The following COL5A2 variants were observed in gnomAD, a reference collection of about 807,000 sequenced individuals.
COL5A2 encodes the protein collagen alpha-2(V) chain.
A neutral mutation model predicts 208.2 loss-of-function variants in COL5A2; 23 were observed. The ratio of observed to expected loss-of-function variants is 0.11; its 90% CI spans 0.08 to 0.16. The LOEUF (loss-of-function observed/expected upper bound fraction) is 0.16. Ranked by LOEUF, COL5A2 falls within the 10% of genes least tolerant of loss-of-function variation. The probability of loss-of-function intolerance (pLI) is 1.00; values close to 1 mark genes in which losing one functional copy is unlikely to be tolerated. For missense variants in COL5A2, 1,590 were observed against 1,956.4 expected (o/e 0.81, Z 3.53); for synonymous variants, 625 against 628.5 (o/e 0.99, Z 0.08).
the COL5A2 span, among the ~76,000 whole-genome samples, chr2:189,255,081 A>C: frequency 6.6e-6 from 1 of 152,182 alleles, no homozygotes; most frequent in Non-Finnish European, 1.5e-5. Context: ...TACCAATCAG[A>C]AAACAGGCTA....
chr2:189,036,721 A>G lies in COL5A2; in HGVS notation c.4008T>C (p.Cys1336=), dbSNP rs1292448514. The G allele has an allele frequency of 1.2e-6, 2 of 1,613,616 alleles. No homozygotes were observed. Among genetic ancestry groups the G allele is most frequent in the Non-Finnish European group, 1.7e-6 (2 of 1,179,714 alleles). Residue 1336 remains cysteine (C), a synonymous_variant, in exon 52 of 54, where the codon TGT becomes TGC. Transcript: ENST00000374866. ...GTACACTGGATGGGTTTGCTGAAATACATGTTTCTCCTGTTTCCATGTTGC... is the reference window on the plus strand; with the variant it reads ...GTACACTGGATGGGTTTGCTGAAATGCATGTTTCTCCTGTTTCCATGTTGC... ...VYCNMETGET[C]ISANPSSVPR...
intron 1 of COL5A2, among the ~76,000 whole-genome samples, chr2:189,126,441 A>T (rs1044819794): frequency 1.3e-5 from 2 of 152,024 alleles, no homozygotes; most frequent in Non-Finnish European, 1.5e-5. Flanking sequence ...AAGTTTTTTT[A>T]TTTCTTTTCA....
chr2:189,174,574 T>C (rs1163548949), intron 1 of COL5A2, among the ~76,000 whole-genome samples: 1 of 152,204 alleles, frequency 6.6e-6, no homozygotes, highest in African/African-American at 2.4e-5. Context: ...ATACAGTGGT[T>C]CACCAATGTA....
chr2:189,139,790 G>T (rs1345070410), intron 1 of COL5A2, among the ~76,000 whole-genome samples: 2 of 152,098 alleles, frequency 1.3e-5, no homozygotes, highest in Non-Finnish European at 2.9e-5. Flanking sequence ...GTGACCAGAT[G>T]TTGGCTGGGT....
chr2:189,085,299 G>A (rs1686632200), intron 10 of COL5A2, 86 bp from the exon 11 acceptor site: 2 of 1,060,952 alleles, frequency 1.9e-6, no homozygotes, highest in Admixed American at 4.0e-5. Flanking sequence ...TGAGACAAAT[G>A]AAATGTCAAA....
intron 1 of COL5A2, among the ~76,000 whole-genome samples, chr2:189,178,493 T>C (rs367951734): frequency 1.3e-5 from 2 of 152,014 alleles, no homozygotes; most frequent in African/African-American, 2.4e-5. Flanking sequence ...CATGGTTGAG[T>C]TGATGAAAAT....
the COL5A2 span, among the ~76,000 whole-genome samples, chr2:189,369,268 T>A: frequency 1.3e-5 from 2 of 151,956 alleles, no homozygotes; most frequent in Non-Finnish European, 2.9e-5. Context: ...GACTGTCAAG[T>A]TTTTTTTATT....
chr2:189,418,233 A>C, the COL5A2 span, among the ~76,000 whole-genome samples: 1 of 152,204 alleles, frequency 6.6e-6, no homozygotes, highest in Non-Finnish European at 1.5e-5. Context: ...TTTCTCAAAT[A>C]ATTTGTAATC....
At chr2:189,312,717 C>T in the COL5A2 span, among the ~76,000 whole-genome samples, 4 of 152,276 alleles carry the variant, frequency 2.6e-5, 1 homozygote, top group Admixed American at 2.6e-4. Flanking sequence ...CTGAGATGGA[C>T]CTCCCAAAGG....
At chr2:189,089,753 T>C (rs553524155) in intron 7 of COL5A2, among the ~76,000 whole-genome samples, 2 of 152,310 alleles carry the variant, frequency 1.3e-5, no homozygotes, top group Non-Finnish European at 2.9e-5. Context: ...ATATCTGTTA[T>C]GATGATCTGT....
chr2:189,033,152 C>T lies in COL5A2; in HGVS notation c.*918G>A, dbSNP rs542124059. On this transcript the variant is annotated 3_prime_UTR_variant, in exon 54 of 54. Transcript: ENST00000374866. Reference sequence around the variant, plus strand: ...AGATCTTTTTCTTCATTATAGGCTTCAGGATGATGAGATTGTACATGTGGA... The same window carrying T: ...AGATCTTTTTCTTCATTATAGGCTTTAGGATGATGAGATTGTACATGTGGA... 6.6e-6 allele frequency: 1 copy of T among 152,640 alleles called. No homozygotes were observed. The highest frequency in any genetic ancestry group is 2.1e-4 in the South Asian group (1 of 4,832). 9.5% of individuals were successfully genotyped at this position (152,640 alleles called of 1,614,324 possible). A position where few individuals can be genotyped will look rare whatever the true frequency, so the allele number is the denominator to read the frequency against.
At chr2:189,239,189 TTTTA>T in the COL5A2 span, among the ~76,000 whole-genome samples, 1 of 151,956 alleles carries the variant, frequency 6.6e-6, no homozygotes, top group African/African-American at 2.4e-5. Flanking sequence ...ACTTCTGATT[TTTTA>T]AAGAGACTCT....
At chr2:189,083,754 T>TA (rs1686590003) in intron 12 of COL5A2, among the ~76,000 whole-genome samples, 5 of 152,150 alleles carry the variant, frequency 3.3e-5, no homozygotes, top group African/African-American at 4.8e-5. Flanking sequence ...ATGTTCAATA[T>TA]ACTTCTCTAG....
At position 189,043,139 on chromosome 2, in the gene COL5A2, G is replaced by A; in HGVS notation, c.3471+12C>T. ...ACTACAGGGCAGAATAATACTTAAAGGAATAACTTACAGGAGGGCCAGGAA... is the reference window on the plus strand; with the variant it reads ...ACTACAGGGCAGAATAATACTTAAAAGAATAACTTACAGGAGGGCCAGGAA... On this transcript the variant is annotated intron_variant, in intron 48 of 53. Coordinates refer to ENST00000374866, the MANE Select transcript of COL5A2 (RefSeq NM_000393.5). The A allele has an allele frequency of 6.3e-7, 1 of 1,597,692 alleles. No individual in the cohort carries two copies. Among genetic ancestry groups the A allele is most frequent in the Non-Finnish European group, 8.6e-7 (1 of 1,166,172 alleles).
intron 51 of COL5A2, 65 bp downstream of exon 51, chr2:189,039,207 A>G: frequency 6.4e-7 from 1 of 1,567,480 alleles, no homozygotes; most frequent in Non-Finnish European, 8.7e-7. Context: ...CATATTTTGG[A>G]ATGCAGTTGA....
chr2:189,228,137 T>A (rs1167840116), upstream of COL5A2, among the ~76,000 whole-genome samples: 2 of 151,622 alleles, frequency 1.3e-5, no homozygotes, highest in Admixed American at 6.6e-5. Context: ...AAACACAACA[T>A]ATTAAAAGTT....
chr2:189,112,316 G>A (rs927636936), intron 1 of COL5A2, among the ~76,000 whole-genome samples: 1 of 152,150 alleles, frequency 6.6e-6, no homozygotes, highest in Non-Finnish European at 1.5e-5. Flanking sequence ...TAATGTAGTT[G>A]TAATCAGTTT....
the COL5A2 span, among the ~76,000 whole-genome samples, chr2:189,305,948 T>A: frequency 2.0e-5 from 3 of 152,194 alleles, no homozygotes; most frequent in Admixed American, 2.0e-4. Context: ...GAATAGTGGA[T>A]TCACTTTACA....
chr2:189,322,948 C>G, the COL5A2 span, among the ~76,000 whole-genome samples: 3 of 152,074 alleles, frequency 2.0e-5, no homozygotes, highest in Non-Finnish European at 4.4e-5. Context: ...AAACTGAATC[C>G]AGCAGCACAA....
Sources: allele counts gnomAD v4.1 joint callset (sites outside exome capture counted in the v4.1 genomes callset), GRCh38; gene constraint gnomAD v4.1.1; transcripts MANE v1.5; gene names NCBI Gene and HGNC (gene_info 2026-07-23, HGNC 2026-07-21).